Variants in FGF14 observed in about 807,000 individuals in gnomAD.
FGF14 encodes fibroblast growth factor homologous factor 4.
In FGF14, 5 loss-of-function variants were observed where a neutral mutation model predicts 25.5. That is an observed-to-expected ratio of 0.20 (90% CI 0.10 to 0.41). The LOEUF (loss-of-function observed/expected upper bound fraction) is 0.41, where lower values mean the gene tolerates loss of function less well. Among genes scored for constraint, FGF14 ranks in the 10% least tolerant of loss-of-function variants. The pLI is 1.00. For synonymous variants in FGF14, 138 were observed against 118.3 expected (o/e 1.17, Z -1.08); for missense variants, 222 against 320.1 (o/e 0.69, Z 2.34).
chr13:101,787,383 T>C (rs2039900693), intron 3 of FGF14, among the ~76,000 whole-genome samples: 2 of 152,230 alleles, frequency 1.3e-5, no homozygotes, highest in South Asian at 4.1e-4. Context: ...GTTTTATCCT[T>C]TAAAACCAGC....
At chr13:102,061,026 C>T (rs1463996618) in intron 1 of FGF14, among the ~76,000 whole-genome samples, 1 of 152,190 alleles carries the variant, frequency 6.6e-6, no homozygotes, top group Non-Finnish European at 1.5e-5. Flanking sequence ...GGGAGGAGAG[C>T]CCGGCAGCTG....
intron 1 of FGF14, among the ~76,000 whole-genome samples, chr13:101,914,927 C>T (rs1012015708): frequency 3.3e-5 from 5 of 152,132 alleles, no homozygotes; most frequent in South Asian, 2.1e-4. Flanking sequence ...CGTCTATCAA[C>T]GGTGATTAAG....
Position 101,720,431 on chromosome 13 carries a change from A to T in FGF14, c.*2400T>A, listed in dbSNP as rs1247059751. On this transcript the variant is annotated 3_prime_UTR_variant, in exon 5 of 5. Coordinates refer to ENST00000376143, the MANE Select transcript of FGF14 (RefSeq NM_004115.4). ...TAAATCTCAGTCATTTACAAAAATA[A>T]ATCTTGTCTTAATTTAAACCAATAA... 6.6e-6 allele frequency: 1 copy of T among 152,090 alleles called. No individual in the cohort carries two copies. The highest frequency in any genetic ancestry group is 2.1e-4 in the South Asian group (1 of 4,826). 9.4% of individuals were successfully genotyped at this position (152,090 alleles called of 1,614,324 possible).
Position 102,380,907 on chromosome 13 carries a change from G to A in FGF14, c.208+20564C>T, listed in dbSNP as rs977401565. ...GCTCCTCAACTTATAATGGGGTTATGTCCCAATAAACCTATTGTAAACTGA... is the reference window on the plus strand; with the variant it reads ...GCTCCTCAACTTATAATGGGGTTATATCCCAATAAACCTATTGTAAACTGA... On this transcript the variant is annotated intron_variant, in intron 1 of 4. Coordinates refer to the FGF14 transcript ENST00000376131. Among the ~76,000 whole-genome samples the A allele has an allele frequency of 2.6e-5, 4 of 152,128 alleles. No individual in the cohort carries two copies. In the East Asian group the frequency reaches 7.7e-4, roughly 29 times the overall value.
chr13:102,389,546 A>G (rs565543207), intron 1 of FGF14, among the ~76,000 whole-genome samples: 1 of 152,336 alleles, frequency 6.6e-6, no homozygotes, highest in Middle Eastern at 3.4e-3. Context: ...CCTTGCAAAA[A>G]TATTTGCATA....
At chr13:102,182,939 G>A (rs2048734624) in intron 1 of FGF14, among the ~76,000 whole-genome samples, 1 of 152,144 alleles carries the variant, frequency 6.6e-6, no homozygotes, top group Non-Finnish European at 1.5e-5. Context: ...ATAGTATAGT[G>A]TAGTTGGGAC....
intron 1 of FGF14, among the ~76,000 whole-genome samples, chr13:102,347,653 A>T (rs1389305845): frequency 6.6e-6 from 1 of 152,212 alleles, no homozygotes; most frequent in Admixed American, 6.5e-5. Flanking sequence ...GCCATGAAAC[A>T]CACCTAACAG....
At chr13:102,068,551 C>T (rs2043003104) in intron 1 of FGF14, among the ~76,000 whole-genome samples, 1 of 152,170 alleles carries the variant, frequency 6.6e-6, no homozygotes, top group Non-Finnish European at 1.5e-5. Context: ...ATGGGCTTGG[C>T]GGGCCTGCAC....
chr13:101,745,214 A>C (rs1272973441), intron 3 of FGF14, among the ~76,000 whole-genome samples: 3 of 152,032 alleles, frequency 2.0e-5, no homozygotes, highest in Admixed American at 6.6e-5. Flanking sequence ...TTAATAGAGA[A>C]GTTTTAAATT....
intron 1 of FGF14, among the ~76,000 whole-genome samples, chr13:102,308,523 T>G (rs2055529079): frequency 6.6e-6 from 1 of 152,288 alleles, no homozygotes; most frequent in East Asian, 1.9e-4. Context: ...GGGGGAAGTC[T>G]GATCAACTTC....
chr13:101,936,149 T>C (rs1428589233), intron 1 of FGF14, among the ~76,000 whole-genome samples: 1 of 152,202 alleles, frequency 6.6e-6, no homozygotes, highest in East Asian at 1.9e-4. Flanking sequence ...TCCCTTCCAT[T>C]GTCCAGATGA....
chr13:102,288,051 AAG>A (rs2054194093), intron 1 of FGF14, among the ~76,000 whole-genome samples: 1 of 152,238 alleles, frequency 6.6e-6, no homozygotes, highest in African/African-American at 2.4e-5. Flanking sequence ...GAATCTCTCT[AAG>A]AGTCTAAAAA....
chr13:101,924,035 T>C (rs958639242), intron 1 of FGF14, among the ~76,000 whole-genome samples: 8 of 152,054 alleles, frequency 5.3e-5, no homozygotes, highest in Admixed American at 2.6e-4. Context: ...TATTGGCAAA[T>C]CTTTTCCTAC....
At chr13:102,250,762 T>G (rs1428345759) in intron 1 of FGF14, among the ~76,000 whole-genome samples, 1 of 152,238 alleles carries the variant, frequency 6.6e-6, no homozygotes, top group Non-Finnish European at 1.5e-5. Flanking sequence ...TAAACAGAGT[T>G]TGAAAAGCAT....
Position 101,720,950 on chromosome 13 carries a change from A to C in FGF14, c.*1881T>G, listed in dbSNP as rs1181901560. ...ATTTCTACTAAACCTTTAATCAGCTAAGCAGGCCAGAATTTTTTAATGCTG... is the reference window on the plus strand; with the variant it reads ...ATTTCTACTAAACCTTTAATCAGCTCAGCAGGCCAGAATTTTTTAATGCTG... On this transcript the variant is annotated 3_prime_UTR_variant, in exon 5 of 5. Transcript: ENST00000376143. The C allele has an allele frequency of 6.6e-6, 1 of 152,122 alleles. No individual in the cohort carries two copies. The highest frequency in any genetic ancestry group is 2.4e-5 in the African/African-American group (1 of 41,418). The allele number at this position is 152,122 out of a possible 1,614,324, so 9.4% of individuals were successfully genotyped here.
rs529107986 is a variant in FGF14 at position 102,381,098 on chromosome 13, T to A, written c.208+20373A>T. 5.9e-5 allele frequency among the ~76,000 whole-genome samples: 9 copies of A among 152,328 alleles called. No homozygotes were observed. In the East Asian group the frequency reaches 1.5e-3, roughly 26 times the overall value. ...ATGAAGTGTTGAATACCTTATGCAA[T>A]TTATTGAATATTGTACTTAAAGTAA... On this transcript the variant is annotated intron_variant, in intron 1 of 4. Transcript: ENST00000376131.
At chr13:101,949,607 G>C (rs1247331167) in intron 1 of FGF14, among the ~76,000 whole-genome samples, 2 of 152,058 alleles carry the variant, frequency 1.3e-5, no homozygotes, top group Admixed American at 1.3e-4. Flanking sequence ...TGTACTATGG[G>C]GATTTAAGAG....
At chr13:102,161,629 AAGAAGAAGAAGAAG>A (rs2047708414) in intron 1 of FGF14, among the ~76,000 whole-genome samples, 2 of 8,698 alleles carry the variant, frequency 2.3e-4, no homozygotes, top group Non-Finnish European at 3.9e-4. Flanking sequence ...GAAGAAGAAG[AAGAAGAAGAAGAAG>A]AAGAAGAAGA....
At chr13:102,138,867 G>T (rs541737794) in intron 1 of FGF14, among the ~76,000 whole-genome samples, 1 of 152,318 alleles carries the variant, frequency 6.6e-6, no homozygotes, top group South Asian at 2.1e-4. Context: ...TTTTCATACA[G>T]TAAAACCGTG....
Sources: gnomAD v4.1 joint callset for allele counts (sites outside exome capture counted in the v4.1 genomes callset) on GRCh38, gnomAD v4.1.1 for gene constraint, MANE v1.5 for transcripts, NCBI Gene and HGNC (gene_info 2026-07-23, HGNC 2026-07-21) for gene names.